The following SHISA9 variants were observed in gnomAD, a reference collection of about 807,000 sequenced individuals.
SHISA9 encodes shisa family member 9, also known as protein shisa-9.
A neutral mutation model predicts 38.0 loss-of-function variants in SHISA9; 13 were observed. The ratio of observed to expected loss-of-function variants is 0.34; its 90% CI spans 0.22 to 0.54. The LOEUF (loss-of-function observed/expected upper bound fraction) is 0.54, where lower values mean the gene tolerates loss of function less well. SHISA9 is among the 20% of genes least tolerant of loss of function. The pLI, the probability that SHISA9 is intolerant of heterozygous loss-of-function variation, is 0.91. For missense variants in SHISA9, 538 were observed against 575.8 expected (o/e 0.93, Z 0.67); for synonymous variants, 275 against 242.0 (o/e 1.14, Z -1.27).
At chr16:13,017,048 C>G (rs2141859664) in intron 2 of SHISA9, among the ~76,000 whole-genome samples, 1 of 148,190 alleles carries the variant, frequency 6.7e-6, no homozygotes. Context: ...GAGACGGAGT[C>G]TTGCTCTGTC....
intron 2 of SHISA9, among the ~76,000 whole-genome samples, chr16:13,083,301 C>T (rs778191753): frequency 6.6e-6 from 1 of 152,158 alleles, no homozygotes; most frequent in African/African-American, 2.4e-5. Context: ...TGGTCTCATG[C>T]GTCATCTCTA....
In SHISA9 at chr16:13,108,259, G is replaced by C. The variant is rs374556767; in HGVS notation, c.692-95135G>C. 1.8e-4 allele frequency among the ~76,000 whole-genome samples: 27 copies of C among 152,194 alleles called. 1 individual carries two copies. Among genetic ancestry groups the C allele is most frequent in the African/African-American group, 6.0e-4 (25 of 41,504 alleles). On this transcript the variant is annotated intron_variant, in intron 2 of 4. Transcript: ENST00000558583. The stretch of plus-strand genomic sequence containing the variant: ...TCCTCCTACCTCACCTTTTCGAGTA[G>C]CTGAGACTGCAGGTGTGTGCCACCA...
intron 2 of SHISA9, among the ~76,000 whole-genome samples, chr16:13,118,030 A>G (rs2074047658): frequency 6.6e-6 from 1 of 151,966 alleles, no homozygotes; most frequent in Non-Finnish European, 1.5e-5. Context: ...AAAAATACAA[A>G]AACTAGCTGG....
intron 2 of SHISA9, among the ~76,000 whole-genome samples, chr16:13,182,050 A>C (rs1417756256): frequency 6.6e-6 from 1 of 152,220 alleles, no homozygotes; most frequent in Non-Finnish European, 1.5e-5. Context: ...ACCAGAAGCT[A>C]CATAGTGATG....
intron 2 of SHISA9, among the ~76,000 whole-genome samples, chr16:13,027,498 C>T (rs1163163877): frequency 6.6e-6 from 1 of 152,170 alleles, no homozygotes; most frequent in Non-Finnish European, 1.5e-5. Flanking sequence ...CACTAATATT[C>T]ATAGAAGCTC....
At chr16:13,445,015 T>C in the SHISA9 span, among the ~76,000 whole-genome samples, 154 of 106,974 alleles carry the variant, frequency 1.4e-3, 3 homozygotes, top group African/African-American at 5.3e-3. Flanking sequence ...TATATATATA[T>C]ATATATATAT....
intron 2 of SHISA9, among the ~76,000 whole-genome samples, chr16:12,934,195 A>C (rs879619363): frequency 1.3e-5 from 2 of 152,194 alleles, no homozygotes; most frequent in Non-Finnish European, 2.9e-5. Flanking sequence ...TATTCAGAAA[A>C]AGGAACAAAG....
the SHISA9 span, among the ~76,000 whole-genome samples, chr16:13,264,907 C>T: frequency 2.6e-5 from 4 of 151,882 alleles, no homozygotes; most frequent in African/African-American, 9.7e-5. Flanking sequence ...CTCCCTTTCC[C>T]CTCGCCTTTC....
At chr16:13,018,234 G>A (rs955610868) in intron 2 of SHISA9, among the ~76,000 whole-genome samples, 3 of 152,314 alleles carry the variant, frequency 2.0e-5, no homozygotes, top group South Asian at 2.1e-4. Context: ...TACTGCTGGC[G>A]TGGCTTCCCT....
the SHISA9 span, among the ~76,000 whole-genome samples, chr16:13,522,003 T>C: frequency 1.3e-5 from 2 of 152,196 alleles, no homozygotes; most frequent in Non-Finnish European, 2.9e-5. Context: ...ATATACTCTG[T>C]GGTCCAGAAA....
At chr16:13,116,639 C>T (rs2074033356) in intron 2 of SHISA9, among the ~76,000 whole-genome samples, 1 of 152,166 alleles carries the variant, frequency 6.6e-6, no homozygotes. Context: ...ATGGTGGGTG[C>T]TCAGCAAGTA....
chr16:13,519,080 C>T, the SHISA9 span, among the ~76,000 whole-genome samples: 1 of 151,920 alleles, frequency 6.6e-6, no homozygotes, highest in African/African-American at 2.4e-5. Flanking sequence ...CACATTATAG[C>T]AATTATTATT....
chr16:13,399,659 T>G, the SHISA9 span, among the ~76,000 whole-genome samples: 2 of 152,308 alleles, frequency 1.3e-5, no homozygotes, highest in African/African-American at 4.8e-5. Flanking sequence ...AGCTCCTGCT[T>G]CTTCACCGCT....
intron 2 of SHISA9, among the ~76,000 whole-genome samples, chr16:13,123,143 A>C (rs1422316537): frequency 1.3e-5 from 2 of 152,260 alleles, no homozygotes; most frequent in African/African-American, 4.8e-5. Context: ...AGGATTTGAG[A>C]ACTAGGATAT....
intron 2 of SHISA9, among the ~76,000 whole-genome samples, chr16:12,958,524 G>T (rs1468437523): frequency 6.6e-6 from 1 of 152,220 alleles, no homozygotes; most frequent in South Asian, 2.1e-4. Context: ...GACACAATAT[G>T]TCTTCATAAT....
the SHISA9 span, chr16:13,350,601 C>A: frequency 6.6e-6 from 1 of 152,342 alleles, no homozygotes; most frequent in African/African-American, 2.4e-5. Flanking sequence ...CTGAAAGCCA[C>A]GCTTGGGATC....
At position 13,204,226 on chromosome 16, in the gene SHISA9, A is replaced by G. The variant is rs555989632; in HGVS notation, c.847+677A>G. 4.0e-5 allele frequency among the ~76,000 whole-genome samples: 6 copies of G among 149,920 alleles called. No homozygotes were observed. In the South Asian group the frequency reaches 6.3e-4, roughly 16 times the overall value. On this transcript the variant is annotated intron_variant, in intron 3 of 4. Coordinates refer to ENST00000558583, the MANE Select transcript of SHISA9 (RefSeq NM_001145204.3). The stretch of plus-strand genomic sequence containing the variant: ...TGTCTGTCTGTCTATCTATCTATCT[A>G]TCTATCTATCTATCTATCTATCTAC...
intron 2 of SHISA9, among the ~76,000 whole-genome samples, chr16:12,955,547 A>G (rs1365153111): frequency 6.6e-6 from 1 of 152,032 alleles, no homozygotes; most frequent in Admixed American, 6.6e-5. Flanking sequence ...TGGTACTGGT[A>G]CAAAAATAGA....
At chr16:13,467,526 C>T in the SHISA9 span, among the ~76,000 whole-genome samples, 4 of 152,182 alleles carry the variant, frequency 2.6e-5, no homozygotes, top group African/African-American at 9.7e-5. Context: ...TCTGCTTCTC[C>T]AACTTGTACG....
Sources: gnomAD v4.1 joint callset for allele counts (sites outside exome capture counted in the v4.1 genomes callset) on GRCh38, gnomAD v4.1.1 for gene constraint, MANE v1.5 for transcripts, NCBI Gene and HGNC (gene_info 2026-07-23, HGNC 2026-07-21) for gene names.